The following SHKBP1 variants were observed in gnomAD, a reference collection of about 807,000 sequenced individuals.
SHKBP1 encodes the protein SH3KBP1-binding protein 1.
Under a neutral mutation model 83.9 loss-of-function variants are expected in SHKBP1, and 71 were observed. The observed-to-expected ratio is 0.85, with a 90% CI of 0.70 to 1.03. SHKBP1 has a LOEUF of 1.03. SHKBP1 is among the 50% of genes least tolerant of loss of function. The pLI is 0.00. For synonymous variants in SHKBP1, 371 were observed against 398.0 expected (o/e 0.93, Z 0.81); for missense variants, 824 against 982.4 (o/e 0.84, Z 2.16).
At position 40,580,500 on chromosome 19, in the gene SHKBP1, C is replaced by G. The variant is rs531094449; in HGVS notation, c.562+15C>G. 1 of 1,613,418 alleles carries G rather than the reference C, an allele frequency of 6.2e-7. No homozygotes were observed. The highest frequency in any genetic ancestry group is 8.5e-7 in the Non-Finnish European group (1 of 1,179,608). ...CTCACCCTCAGGTACGTTTCTATCTCGTGGAAGGTTGGGGCAGCTGTGGGG... is the reference window on the plus strand; with the variant it reads ...CTCACCCTCAGGTACGTTTCTATCTGGTGGAAGGTTGGGGCAGCTGTGGGG... On this transcript the variant is annotated intron_variant, in intron 7 of 17. Transcript: ENST00000291842.
Position 40,586,964 on chromosome 19 carries a change from T to C in SHKBP1, c.1336+20T>C, listed in dbSNP as rs1179347812. The stretch of plus-strand genomic sequence containing the variant: ...TCTCAGGTGAGCCTCTGTGGGGTGC[T>C]CCAGTGCTGGGAGAGACAGCTCAGA... On this transcript the variant is annotated intron_variant, in intron 13 of 17. Coordinates refer to ENST00000291842, the MANE Select transcript of SHKBP1 (RefSeq NM_138392.4). 1 of 1,574,724 alleles carries C rather than the reference T, an allele frequency of 6.4e-7. No individual in the cohort carries two copies. The highest frequency in any genetic ancestry group is 1.1e-5 in the South Asian group (1 of 88,406).
rs114140072 is a variant in SHKBP1, at chr19:40,586,904, T to C, written c.1296T>C (p.Pro432=). The change falls in exon 13 of 18, where the codon CCT becomes CCC. Residue 432 remains proline (P), a synonymous_variant. Transcript: ENST00000291842. Reference sequence around the variant, plus strand: ...AGACCTTCACTGTGCACCGCAGCCCTGTCACCAAGATCATGCTGTCGGAGA... The same window carrying C: ...AGACCTTCACTGTGCACCGCAGCCCCGTCACCAAGATCATGCTGTCGGAGA... ...LFQTFTVHRS[P]VTKIMLSEKH... 3.7e-4 allele frequency: 592 copies of C among 1,609,138 alleles called. 4 individuals carry two copies. In the African/African-American group the frequency reaches 7.1e-3, roughly 19 times the overall value.
intron 4 of SHKBP1, chr19:40,577,918 G>C (rs189015274): frequency 3.4e-6 from 2 of 590,518 alleles, no homozygotes; most frequent in Admixed American, 2.9e-5. Flanking sequence ...TCTTGATCAT[G>C]TTAAAATTTT....
At chr19:40,588,820 T>C (rs906758050) in intron 14 of SHKBP1, 41 bp downstream of exon 14, 17 of 1,604,070 alleles carry the variant, frequency 1.1e-5, no homozygotes, top group Non-Finnish European at 1.4e-5. Flanking sequence ...ACTGACCCCC[T>C]TACCTGACCC....
chr19:40,581,309 G>A (rs968707507), intron 9 of SHKBP1, among the ~76,000 whole-genome samples: 1 of 152,038 alleles, frequency 6.6e-6, no homozygotes, highest in East Asian at 1.9e-4. Flanking sequence ...TCAGGAGTTC[G>A]AGACCCCCTT....
Position 40,590,506 on chromosome 19 carries a change from C to T in SHKBP1, c.1768+84C>T, listed in dbSNP as rs2081349819. The T allele has an allele frequency of 1.4e-6, 2 of 1,460,508 alleles. No homozygotes were observed. Among genetic ancestry groups the T allele is most frequent in the Non-Finnish European group, 1.9e-6 (2 of 1,076,512 alleles). The allele number at this position is 1,460,508 out of a possible 1,614,324, so 90.5% of individuals were successfully genotyped here. On this transcript the variant is annotated intron_variant, in intron 16 of 17. Transcript: ENST00000291842. This position sits in a 1 kb window ranked among gnomAD's most constrained non-coding sequence, Gnocchi z 4.6. ...CTCCACTGCCAACTGCTTGATCTCT[C>T]TCCCAGGCCCTTGCCCTCTGACCCC... is the stretch of plus-strand genomic sequence containing the variant.
chr19:40,578,059 T>G, intron 4 of SHKBP1, 95 bp from the exon 5 acceptor site: 26 of 1,013,620 alleles, frequency 2.6e-5, no homozygotes, highest in Non-Finnish European at 3.4e-5. Flanking sequence ...TTCTACCCCT[T>G]GACATTCTCT....
chr19:40,577,130 G>T lies in SHKBP1; in HGVS notation c.87-101G>T, dbSNP rs1001017502. ...GGCGCGAGATTCTGGAAAAACGCCG[G>T]GGGAGGGGGAAGGGGAGGGAACCCT... On this transcript the variant is annotated intron_variant, in intron 1 of 17. Transcript: ENST00000291842. 94 of 1,470,478 alleles carry T rather than the reference G, an allele frequency of 6.4e-5. No homozygotes were observed. In the African/African-American group the frequency reaches 1.3e-3, roughly 20 times the overall value. 91.1% of individuals were successfully genotyped at this position (1,470,478 alleles called of 1,614,324 possible).
At position 40,590,570 on chromosome 19, in the gene SHKBP1, G is replaced by A; in HGVS notation, c.1768+148G>A. ...CCCTCTCTGCTCCCCATCCCTTCCT[G>A]CCCTTGTTTTTCAACCCCTGTCTCA... On this transcript the variant is annotated intron_variant, in intron 16 of 17. Transcript: ENST00000291842. The surrounding 1 kb of genome is among the most constrained non-coding windows in gnomAD (Gnocchi z 4.6). The A allele has an allele frequency of 7.8e-7, 1 of 1,279,484 alleles. No homozygotes were observed. Among genetic ancestry groups the A allele is most frequent in the Non-Finnish European group, 1.1e-6 (1 of 923,154 alleles). 79.3% of individuals were successfully genotyped at this position (1,279,484 alleles called of 1,614,324 possible). A position where few individuals can be genotyped will look rare whatever the true frequency, so the allele number is the denominator to read the frequency against.
In SHKBP1 at chr19:40,583,665, C is replaced by T; in HGVS notation, c.1113C>T (p.Asp371=). The change falls in exon 12 of 18, where the codon GAC becomes GAT. Residue 371 remains aspartate (D), a synonymous_variant. Transcript: ENST00000291842. ...NDLLVSELYR[D]PAEDGVTALS... ...TCCTTGTCAGCGAGCTCTATCGGGA[C>T]CCAGCGGAGGATGGGGTCACCGCCC... 1 of 1,613,926 alleles carries T rather than the reference C, an allele frequency of 6.2e-7. No homozygotes were observed. The highest frequency in any genetic ancestry group is 1.1e-5 in the South Asian group (1 of 91,064).
In SHKBP1 at chr19:40,580,859, A is replaced by G; in HGVS notation, c.767A>G (p.Asp256Gly). The change falls in exon 9 of 18, where the codon GAC becomes GGC. Residue 256 changes from aspartate (D) to glycine (G), a missense_variant. By Grantham distance (94) the Asp-to-Gly change is moderately conservative. Around this residue, in one of 3 missense-constraint regions of SHKBP1, gnomAD observed 355 missense variants for 386.4 expected, o/e 0.92. Coordinates refer to ENST00000291842, the MANE Select transcript of SHKBP1 (RefSeq NM_138392.4). ...RVHGGALGEHDKMVAAATGSE... is the reference protein window; with the variant it reads ...RVHGGALGEHGKMVAAATGSE... The stretch of plus-strand genomic sequence containing the variant: ...CATGGTGGGGCTTTGGGTGAACATG[A>G]CAAGATGGTGGCAGCAGCCACCGGC... 1 of 1,613,096 alleles carries G rather than the reference A, an allele frequency of 6.2e-7. No individual in the cohort carries two copies. The highest frequency in any genetic ancestry group is 2.2e-5 in the East Asian group (1 of 44,852).
intron 9 of SHKBP1, among the ~76,000 whole-genome samples, chr19:40,581,490 G>A (rs1281187313): frequency 6.7e-6 from 1 of 149,988 alleles, no homozygotes; most frequent in Non-Finnish European, 1.5e-5. Flanking sequence ...ATTCCAGCCT[G>A]AGCGACAGAG....
chr19:40,578,754 G>T (rs1243392542), intron 6 of SHKBP1, among the ~76,000 whole-genome samples: 2 of 152,162 alleles, frequency 1.3e-5, no homozygotes, highest in Non-Finnish European at 2.9e-5. Flanking sequence ...AGGCTCAGAA[G>T]GATGTCCTGG....
chr19:40,580,031 C>CAAAAAAAAAAAAAAAAAAAA (rs35620022), intron 6 of SHKBP1: 1 of 63,340 alleles, frequency 1.6e-5, no homozygotes, highest in Non-Finnish European at 2.7e-5. Context: ...AACTCCAACT[C>CAAAAAAAAAAAAAAAAAAAA]AAAAAAAAAA....
chr19:40,588,377 G>A (rs55736297), intron 13 of SHKBP1, among the ~76,000 whole-genome samples: 13,763 of 152,262 alleles, frequency 0.09, 743 homozygotes, highest in Non-Finnish European at 0.12. Context: ...GGCAGGTGAC[G>A]AAATGGACCA....
intron 12 of SHKBP1, among the ~76,000 whole-genome samples, chr19:40,584,923 A>G (rs911819938): frequency 6.6e-6 from 1 of 151,998 alleles, no homozygotes; most frequent in East Asian, 1.9e-4. Flanking sequence ...TTGTGTCTGC[A>G]TTTTTCACTT....
rs1366530642 is a variant in SHKBP1 at position 40,576,891 on chromosome 19, C to T, written c.-9C>T. On this transcript the variant is annotated 5_prime_UTR_variant, in exon 1 of 18. Transcript: ENST00000291842. Reference sequence around the variant, plus strand: ...AGTGGGTGCGGGCCAGCCGGCTCGCCCGGGGGCCATGGCAGCAGCGGCTAC... The same window carrying T: ...AGTGGGTGCGGGCCAGCCGGCTCGCTCGGGGGCCATGGCAGCAGCGGCTAC... 2.8e-6 allele frequency: 4 copies of T among 1,451,578 alleles called. No individual in the cohort carries two copies. The highest frequency in any genetic ancestry group is 3.6e-6 in the Non-Finnish European group (4 of 1,101,866). The allele number at this position is 1,451,578 out of a possible 1,614,324, so 89.9% of individuals were successfully genotyped here.
At chr19:40,579,543 G>T (rs1428477521) in intron 6 of SHKBP1, among the ~76,000 whole-genome samples, 1 of 152,018 alleles carries the variant, frequency 6.6e-6, no homozygotes, top group Non-Finnish European at 1.5e-5. Flanking sequence ...ATGCACCTGT[G>T]GTCCCAGCTA....
At chr19:40,580,963 CCTCTGTCCT>C in intron 9 of SHKBP1, 27 bp downstream of exon 9, 2 of 1,505,212 alleles carry the variant, frequency 1.3e-6, no homozygotes, top group Non-Finnish European at 1.8e-6. Context: ...TTTCCAGAAC[CCTCTGTCCT>C]TTAAATTCTA....
Sources: gnomAD v4.1 joint callset for allele counts (sites outside exome capture counted in the v4.1 genomes callset) on GRCh38, gnomAD v4.1.1 for gene constraint, gnomAD v4.1.1 regional missense constraint, Gnocchi (gnomAD v3.1) non-coding constraint, MANE v1.5 for transcripts, NCBI Gene and HGNC (gene_info 2026-07-23, HGNC 2026-07-21) for gene names.